The following CSMD1 variants were observed in gnomAD, a reference collection of about 807,000 sequenced individuals.
CSMD1 encodes the protein CUB and Sushi multiple domains 1, also known as CUB and sushi domain-containing protein 1.
Under a neutral mutation model 417.5 loss-of-function variants are expected in CSMD1, and 213 were observed. The ratio of observed to expected loss-of-function variants is 0.51; its 90% CI spans 0.46 to 0.57. CSMD1 has a LOEUF of 0.57. CSMD1 is among the 20% of genes least tolerant of loss of function. The probability of loss-of-function intolerance (pLI) is 0.00; values close to 1 mark genes in which losing one functional copy is unlikely to be tolerated. For missense variants in CSMD1, 6,923 were observed against 4,529.7 expected (o/e 1.53, Z -15.17); for synonymous variants, 2,862 against 1,736.8 (o/e 1.65, Z -16.11).
At chr8:4,188,313 C>G (rs6996352) in intron 3 of CSMD1, among the ~76,000 whole-genome samples, 1 of 152,044 alleles carries the variant, frequency 6.6e-6, no homozygotes, top group Non-Finnish European at 1.5e-5. Context: ...AAATCGCTCA[C>G]GTGGTTTTCT....
intron 2 of CSMD1, among the ~76,000 whole-genome samples, chr8:4,578,786 C>G (rs1475102225): frequency 2.0e-5 from 3 of 146,414 alleles, no homozygotes; most frequent in Non-Finnish European, 4.5e-5. Context: ...TGCACTCTAG[C>G]CTGGGTGACA....
Position 3,182,844 on chromosome 8 carries a change from GTGTGTGTGTGT to G in CSMD1, c.5621-1641_5621-1631del, listed in dbSNP as rs1821467241. ...TCTGGCTGTCTCTTTATAAGAAGGTGTGTGTGTGTGTGTGTGTGTGTGTGTGTGTGTGTGTG... is the reference window on the plus strand; with the variant it reads ...TCTGGCTGTCTCTTTATAAGAAGGTGGTGTGTGTGTGTGTGTGTGTGTGTG... On this transcript the variant is annotated intron_variant, in intron 36 of 69. Transcript: ENST00000635120. 5.4e-4 allele frequency: 36 copies of G among 66,448 alleles called. 1 individual carries two copies. Among genetic ancestry groups the G allele is most frequent in the South Asian group, 2.6e-3 (4 of 1,520 alleles). 4.1% of individuals were successfully genotyped at this position (66,448 alleles called of 1,614,324 possible).
Position 3,143,147 on chromosome 8 carries a change from A to T in CSMD1, c.6032-473T>A, listed in dbSNP as rs117291241. Among the ~76,000 whole-genome samples, 797 of 152,208 alleles carry T rather than the reference A, an allele frequency of 5.2e-3. 2 individuals carry two copies. Among genetic ancestry groups the T allele is most frequent in the Middle Eastern group, 0.01 (3 of 294 alleles). ...ATTTTGGTTTTAAAACATGCCACAG[A>T]GTTTTTTTTGTTTTTATTTTGTGTT... On this transcript the variant is annotated intron_variant, in intron 40 of 69. Transcript: ENST00000635120.
intron 1 of CSMD1, among the ~76,000 whole-genome samples, chr8:4,845,236 G>A (rs761479091): frequency 9.9e-5 from 15 of 152,136 alleles, no homozygotes; most frequent in Non-Finnish European, 1.8e-4. Flanking sequence ...GTACTGTTCA[G>A]TATTATATTT....
intron 25 of CSMD1, among the ~76,000 whole-genome samples, chr8:3,291,457 C>G (rs201665509): frequency 7.2e-5 from 11 of 151,988 alleles, no homozygotes; most frequent in South Asian, 2.1e-4. Flanking sequence ...ATCTGGTCCT[C>G]GACTTTTTTT....
chr8:4,657,006 G>C (rs1311731136), intron 1 of CSMD1, among the ~76,000 whole-genome samples: 1 of 152,060 alleles, frequency 6.6e-6, no homozygotes, highest in Non-Finnish European at 1.5e-5. Context: ...AAAAACCACC[G>C]TAGGGCACGC....
chr8:3,826,574 G>T (rs902816882), intron 5 of CSMD1, among the ~76,000 whole-genome samples: 2 of 152,074 alleles, frequency 1.3e-5, no homozygotes, highest in African/African-American at 4.8e-5. Flanking sequence ...TCTGGGTTGA[G>T]ATTAACCACT....
chr8:4,635,734 C>T (rs1208028637), intron 2 of CSMD1, among the ~76,000 whole-genome samples: 1 of 151,908 alleles, frequency 6.6e-6, no homozygotes, highest in African/African-American at 2.4e-5. Context: ...AAGTAACTGG[C>T]TTTTAAAGAG....
intron 3 of CSMD1, among the ~76,000 whole-genome samples, chr8:4,308,159 C>T (rs193269780): frequency 1.3e-4 from 20 of 152,240 alleles, no homozygotes; most frequent in Admixed American, 6.6e-4. Flanking sequence ...AGCGTTTCTT[C>T]GAATGTTCCT....
intron 3 of CSMD1, among the ~76,000 whole-genome samples, chr8:4,237,832 G>A (rs897707233): frequency 1.3e-5 from 2 of 152,144 alleles, no homozygotes; most frequent in African/African-American, 2.4e-5. Context: ...TTTTTAAAAA[G>A]GGAAGCTTTA....
intron 50 of CSMD1, among the ~76,000 whole-genome samples, chr8:3,041,409 G>T (rs1031027806): frequency 1.6e-4 from 24 of 152,066 alleles, no homozygotes; most frequent in African/African-American, 5.8e-4. Flanking sequence ...TCATAAATAT[G>T]CTTGAAAAGG....
Position 4,663,583 on chromosome 8 carries a change from C to G in CSMD1, c.86-26025G>C, listed in dbSNP as rs149495126. 6.6e-3 allele frequency among the ~76,000 whole-genome samples: 1,009 copies of G among 152,232 alleles called. 6 individuals carry two copies. The highest frequency in any genetic ancestry group is 0.017 in the Middle Eastern group (5 of 294). Reference sequence around the variant, plus strand: ...GTTGAAAAGTGCATGACAACTCTCCCTTCACTCTCTTCCTCTTGCTCCAGC... The same window carrying G: ...GTTGAAAAGTGCATGACAACTCTCCGTTCACTCTCTTCCTCTTGCTCCAGC... On this transcript the variant is annotated intron_variant, in intron 1 of 69. Transcript: ENST00000635120.
chr8:4,023,668 G>T (rs1205966697), intron 4 of CSMD1, among the ~76,000 whole-genome samples: 1 of 147,060 alleles, frequency 6.8e-6, no homozygotes, highest in African/African-American at 2.5e-5. Context: ...CTCACTGCAA[G>T]CTCCGCCTCC....
intron 25 of CSMD1, among the ~76,000 whole-genome samples, chr8:3,297,937 G>C (rs1260556775): frequency 6.6e-6 from 1 of 152,082 alleles, no homozygotes; most frequent in East Asian, 1.9e-4. Context: ...ATGGGCAAAA[G>C]GCTTCAACTG....
At chr8:3,529,849 A>C (rs1797904479) in intron 10 of CSMD1, among the ~76,000 whole-genome samples, 2 of 152,154 alleles carry the variant, frequency 1.3e-5, no homozygotes, top group African/African-American at 4.8e-5. Flanking sequence ...ATTTTCTTGG[A>C]CAATAAATTA....
At chr8:3,156,440 C>T (rs978362555) in intron 39 of CSMD1, among the ~76,000 whole-genome samples, 2 of 152,146 alleles carry the variant, frequency 1.3e-5, no homozygotes, top group African/African-American at 4.8e-5. Context: ...AAGTCTCTGT[C>T]ACCAAAGCCT....
rs7014264 is a variant in CSMD1, at chr8:4,443,521, C to T, written c.303-23456G>A. Among the ~76,000 whole-genome samples, 4 of 151,636 alleles carry T rather than the reference C, an allele frequency of 2.6e-5. 1 individual carries two copies. In the South Asian group the frequency reaches 8.3e-4, roughly 32 times the overall value. On this transcript the variant is annotated intron_variant, in intron 2 of 69. Transcript: ENST00000635120. Reference sequence around the variant, plus strand: ...TGCCACATATATTAACACCAGAATACAGTATAGAATTTCACGAATGATATG... The same window carrying T: ...TGCCACATATATTAACACCAGAATATAGTATAGAATTTCACGAATGATATG...
At chr8:3,851,557 G>A (rs2930361) in intron 5 of CSMD1, among the ~76,000 whole-genome samples, 2,012 of 152,306 alleles carry the variant, frequency 0.013, 45 homozygotes, top group African/African-American at 0.047. Flanking sequence ...TGCACCTTGA[G>A]CAGCAACTCC....
At chr8:4,744,715 T>C (rs184145695) in intron 1 of CSMD1, among the ~76,000 whole-genome samples, 8 of 152,344 alleles carry the variant, frequency 5.3e-5, no homozygotes, top group African/African-American at 1.9e-4. Context: ...TCTCAGGTCA[T>C]GGTTTAATGA....
Sources: gnomAD v4.1 joint callset for allele counts (sites outside exome capture counted in the v4.1 genomes callset) on GRCh38, gnomAD v4.1.1 for gene constraint, MANE v1.5 for transcripts, NCBI Gene and HGNC (gene_info 2026-07-23, HGNC 2026-07-21) for gene names.